CDCA2: variants seen among roughly 807,000 people sequenced by gnomAD.
CDCA2 encodes the protein cell division cycle-associated protein 2.
CDCA2 carries 44 observed loss-of-function variants against 67.0 expected under a neutral mutation model. The ratio of observed to expected loss-of-function variants is 0.66; its 90% CI spans 0.52 to 0.84. The LOEUF (loss-of-function observed/expected upper bound fraction) is 0.84. CDCA2 is among the 40% of genes least tolerant of loss of function. CDCA2 has a pLI of 0.00. For missense variants in CDCA2, 1,253 were observed against 1,203.2 expected, an observed-to-expected ratio of 1.04 and a Z score of -0.61; for synonymous variants, 447 against 418.7, an observed-to-expected ratio of 1.07 and a Z score of -0.82.
intron 13 of CDCA2, among the ~76,000 whole-genome samples, chr8:25,493,241 G>A (rs891283652): frequency 7.7e-4 from 118 of 152,264 alleles, no homozygotes; most frequent in African/African-American, 2.7e-3. Context: ...TTTTAAATGA[G>A]CAGTTTTTTC....
intron 7 of CDCA2, among the ~76,000 whole-genome samples, chr8:25,477,058 C>G (rs2117504011): frequency 6.6e-6 from 1 of 152,290 alleles, no homozygotes; most frequent in East Asian, 1.9e-4. Context: ...TTAGGCAAAA[C>G]TTTTAAGAGA....
chr8:25,461,624 C>G (rs547647133), intron 3 of CDCA2, among the ~76,000 whole-genome samples: 6 of 152,294 alleles, frequency 3.9e-5, no homozygotes, highest in African/African-American at 1.2e-4. Flanking sequence ...CAGAAAGAAA[C>G]AATCATCTTG....
chr8:25,483,888 A>G, intron 9 of CDCA2, 78 bp from the exon 10 acceptor site: 2 of 1,252,192 alleles, frequency 1.6e-6, no homozygotes, highest in Non-Finnish European at 2.2e-6. Flanking sequence ...TATCACATTA[A>G]AAGATTCTAG....
chr8:25,480,479 T>C (rs1803527491), intron 8 of CDCA2, among the ~76,000 whole-genome samples: 1 of 152,196 alleles, frequency 6.6e-6, no homozygotes, highest in Non-Finnish European at 1.5e-5. Flanking sequence ...AATTAATGTG[T>C]CAATCTGTTA....
In CDCA2 at chr8:25,507,550, G is replaced by T. The variant is rs376190165; in HGVS notation, c.2884G>T (p.Gly962Cys). The T allele has an allele frequency of 6.2e-7, 1 of 1,614,112 alleles. No homozygotes were observed. The highest frequency in any genetic ancestry group is 8.5e-7 in the Non-Finnish European group (1 of 1,180,008). Residue 962 changes from glycine to cysteine, a missense_variant, in exon 15 of 15, where the codon GGC becomes TGC. Transcript: ENST00000330560. ...CGTCTCAGATCCAGAAAACAGCCAG[G>T]GCCCTGCTGCTGGTTCTTCCGATGA... is the stretch of plus-strand genomic sequence containing the variant. ...PPVSDPENSQ[G>C]PAAGSSDEPG...
chr8:25,488,959 A>G (rs1172297353), intron 13 of CDCA2, among the ~76,000 whole-genome samples: 1 of 152,122 alleles, frequency 6.6e-6, no homozygotes, highest in East Asian at 1.9e-4. Context: ...TCTCATTCTC[A>G]TCTTTGAATC....
rs138607009 is a variant in CDCA2 at position 25,479,820 on chromosome 8, A to G, written c.821-93A>G. On this transcript the variant is annotated intron_variant, in intron 7 of 14. Transcript: ENST00000330560. ...TATTAGGTTTGAATTTCTTCATAGC[A>G]TGTTATTATCTTTGCAAATACTATA... is the stretch of plus-strand genomic sequence containing the variant. The G allele has an allele frequency of 1.9e-3, 2,230 of 1,156,486 alleles. 31 individuals carry two copies. The African/African-American group carries it at 0.03, about 16-fold the overall frequency. 71.6% of individuals were successfully genotyped at this position (1,156,486 alleles called of 1,614,324 possible). A position where few individuals can be genotyped will look rare whatever the true frequency, so the allele number is the denominator to read the frequency against.
At chr8:25,479,784 C>G in intron 7 of CDCA2, 129 bp from the exon 8 acceptor site, 1 of 786,922 alleles carries the variant, frequency 1.3e-6, no homozygotes, top group Non-Finnish European at 2.0e-6. Flanking sequence ...CGTTACTGCC[C>G]AATCAGGTTA....
intron 8 of CDCA2, among the ~76,000 whole-genome samples, chr8:25,481,309 A>G: frequency 6.6e-6 from 1 of 152,112 alleles, no homozygotes; most frequent in African/African-American, 2.4e-5. Context: ...CCTCAAAAAG[A>G]CTTAACATCT....
intron 13 of CDCA2, among the ~76,000 whole-genome samples, chr8:25,494,165 C>A (rs1304204569): frequency 6.6e-6 from 1 of 152,064 alleles, no homozygotes; most frequent in African/African-American, 2.4e-5. Context: ...TTGGTTGAAT[C>A]AAAAACACTC....
At position 25,492,672 on chromosome 8, in the gene CDCA2, G is replaced by A. The variant is rs118089069; in HGVS notation, c.1671+3983G>A. On this transcript the variant is annotated intron_variant, in intron 13 of 14. Transcript: ENST00000330560. ...AAGGGGCCCGGAGGAGAAGAAAAGA[G>A]TATGAAAGCTGTACTTGGCAGAGCC... 2.5e-3 allele frequency among the ~76,000 whole-genome samples: 378 copies of A among 152,324 alleles called. 2 individuals carry two copies. Among genetic ancestry groups the A allele is most frequent in the Non-Finnish European group, 4.4e-3 (299 of 68,028 alleles).
intron 7 of CDCA2, among the ~76,000 whole-genome samples, chr8:25,478,898 A>G (rs1265028799): frequency 6.7e-6 from 1 of 149,170 alleles, no homozygotes; most frequent in Non-Finnish European, 1.5e-5. Flanking sequence ...GTATATATAT[A>G]TATATATATA....
At chr8:25,496,269 G>A (rs1011570311) in intron 13 of CDCA2, among the ~76,000 whole-genome samples, 6 of 152,148 alleles carry the variant, frequency 3.9e-5, no homozygotes, top group Non-Finnish European at 2.9e-5. Context: ...TAACACATAA[G>A]TTTATTACTT....
chr8:25,470,171 A>G (rs1161328062), intron 7 of CDCA2, among the ~76,000 whole-genome samples, 191 bp downstream of exon 7: 4 of 152,218 alleles, frequency 2.6e-5, no homozygotes, highest in Non-Finnish European at 5.9e-5. Context: ...GATCAATAAG[A>G]ATTAGTGAAG....
chr8:25,459,134 C>G (rs1231350162), upstream of CDCA2: 1 of 152,004 alleles, frequency 6.6e-6, no homozygotes, highest in Admixed American at 6.6e-5. Context: ...TGTGCGCGGA[C>G]TGGAGAAGGG....
At chr8:25,461,104 C>T (rs1383605682) in intron 3 of CDCA2, among the ~76,000 whole-genome samples, 1 of 151,744 alleles carries the variant, frequency 6.6e-6, no homozygotes, top group Admixed American at 6.6e-5. Context: ...CTCGTCTCTA[C>T]TAAAAATACA....
In CDCA2 at chr8:25,459,322, G is replaced by A. The variant is rs1268171760; in HGVS notation, c.-152G>A. The A allele has an allele frequency of 6.6e-6, 1 of 152,374 alleles. No individual in the cohort carries two copies. The highest frequency in any genetic ancestry group is 2.4e-5 in the African/African-American group (1 of 41,450). The allele number at this position is 152,374 out of a possible 1,614,324, so 9.4% of individuals were successfully genotyped here. A position where few individuals can be genotyped will look rare whatever the true frequency, so the allele number is the denominator to read the frequency against. On this transcript the variant is annotated 5_prime_UTR_variant, in exon 1 of 15. Transcript: ENST00000330560. ...CGGGACCTCGGGCTCCGGGTTCGAA[G>A]AGCGGCTCCCGGCTGCGGGTGCTTT...
chr8:25,483,990 C>A lies in CDCA2; in HGVS notation c.1145C>A (p.Pro382His). The change falls in exon 10 of 15, where the codon CCT (proline) becomes CAT (histidine). Residue 382 changes from proline (P) to histidine (H), a missense_variant. Physicochemically the swap from Pro to His is moderately conservative, Grantham distance 77. Coordinates refer to ENST00000330560, the MANE Select transcript of CDCA2 (RefSeq NM_152562.4). ...GAAGATGAAGAAAATTTTGAAGCAC[C>A]TGCCTTTCTAAATATGAGGAAGAGG... is the stretch of plus-strand genomic sequence containing the variant. The part of the protein sequence containing the change: ...EAEDEENFEA[P>H]AFLNMRKRKR... 1 of 1,613,808 alleles carries A rather than the reference C, an allele frequency of 6.2e-7. No homozygotes were observed. The highest frequency in any genetic ancestry group is 8.5e-7 in the Non-Finnish European group (1 of 1,179,808).
intron 13 of CDCA2, among the ~76,000 whole-genome samples, chr8:25,502,629 C>G (rs1804522749): frequency 6.6e-6 from 1 of 151,952 alleles, no homozygotes; most frequent in African/African-American, 2.4e-5. Flanking sequence ...GTTTCTTCAT[C>G]CGGACCTGGG....
Sources: gnomAD v4.1 joint callset for allele counts (sites outside exome capture counted in the v4.1 genomes callset) on GRCh38, gnomAD v4.1.1 for gene constraint, MANE v1.5 for transcripts, NCBI Gene and HGNC (gene_info 2026-07-23, HGNC 2026-07-21) for gene names.